MACROD2: variants seen among roughly 807,000 people sequenced by gnomAD.
The protein encoded by MACROD2 is ADP-ribose glycohydrolase MACROD2.
Under a neutral mutation model 70.4 loss-of-function variants are expected in MACROD2, and 36 were observed. That is an observed-to-expected ratio of 0.51 (90% CI 0.39 to 0.68). The LOEUF (loss-of-function observed/expected upper bound fraction) is 0.68, where lower values mean the gene tolerates loss of function less well. Ranked by LOEUF, MACROD2 falls within the 30% of genes least tolerant of loss-of-function variation. The pLI, the probability that MACROD2 is intolerant of heterozygous loss-of-function variation, is 0.00. For missense variants in MACROD2, 496 were observed against 538.4 expected, an observed-to-expected ratio of 0.92 and a Z score of 0.78; for synonymous variants, 172 against 178.8, an observed-to-expected ratio of 0.96 and a Z score of 0.30.
intron 4 of MACROD2, among the ~76,000 whole-genome samples, chr20:14,534,470 A>G (rs2085341230): frequency 6.6e-6 from 1 of 152,236 alleles, no homozygotes; most frequent in Non-Finnish European, 1.5e-5. Context: ...TTAAATATAG[A>G]AAAGAAATTT....
At chr20:15,255,088 T>A (rs1420949475) in intron 6 of MACROD2, among the ~76,000 whole-genome samples, 3 of 152,026 alleles carry the variant, frequency 2.0e-5, no homozygotes, top group Admixed American at 2.0e-4. Flanking sequence ...TTAAAAATGT[T>A]GTTTAATTTA....
chr20:14,527,131 C>T (rs2085243075), intron 4 of MACROD2, among the ~76,000 whole-genome samples: 1 of 152,194 alleles, frequency 6.6e-6, no homozygotes, highest in African/African-American at 2.4e-5. Flanking sequence ...AACTCCATGT[C>T]GTTCTGCTGG....
At chr20:14,171,615 C>T (rs1048944157) in intron 3 of MACROD2, among the ~76,000 whole-genome samples, 1 of 152,184 alleles carries the variant, frequency 6.6e-6, no homozygotes, top group Non-Finnish European at 1.5e-5. Flanking sequence ...CATTCAGGAG[C>T]AGGTTATTTA....
chr20:15,062,508 G>C (rs1218509566), intron 5 of MACROD2, among the ~76,000 whole-genome samples: 1 of 151,838 alleles, frequency 6.6e-6, no homozygotes, highest in Non-Finnish European at 1.5e-5. Flanking sequence ...TTGTGAAAAT[G>C]AAGTACTTAT....
chr20:15,355,591 C>T (rs750091619), intron 6 of MACROD2, among the ~76,000 whole-genome samples: 1 of 152,212 alleles, frequency 6.6e-6, no homozygotes, highest in Non-Finnish European at 1.5e-5. Context: ...AACTCAATCT[C>T]TAGTCCTTGC....
intron 2 of MACROD2, among the ~76,000 whole-genome samples, chr20:14,049,383 A>C (rs1027502717): frequency 2.0e-5 from 3 of 151,922 alleles, no homozygotes; most frequent in Non-Finnish European, 4.4e-5. Context: ...TATTTGTGTT[A>C]CCAGTTTGAA....
chr20:14,146,273 G>C (rs1712253251), intron 3 of MACROD2, among the ~76,000 whole-genome samples: 1 of 152,038 alleles, frequency 6.6e-6, no homozygotes, highest in Non-Finnish European at 1.5e-5. Flanking sequence ...GAGCCGAGGT[G>C]GCGCCACTGC....
rs558720156 is a variant in MACROD2, at chr20:14,306,582, A to G, written c.272-186897A>G. Among the ~76,000 whole-genome samples the G allele has an allele frequency of 4.1e-4, 63 of 152,256 alleles. 1 individual carries two copies. The highest frequency in any genetic ancestry group is 3.9e-4 in the East Asian group (2 of 5,178). ...ACCTCACAGTAACACAAATTTTAAC[A>G]TAAGGCAATTGGCAATTGATATTTA... On this transcript the variant is annotated intron_variant, in intron 3 of 17. Coordinates refer to ENST00000684519, the MANE Select transcript of MACROD2 (RefSeq NM_001351661.2).
intron 3 of MACROD2, among the ~76,000 whole-genome samples, chr20:14,345,065 A>C (rs1311033306): frequency 6.6e-6 from 1 of 152,176 alleles, no homozygotes; most frequent in African/African-American, 2.4e-5. Flanking sequence ...GACTAGCAAA[A>C]TATAAATGTT....
intron 8 of MACROD2, among the ~76,000 whole-genome samples, chr20:15,853,260 C>G (rs921784401): frequency 9.9e-5 from 15 of 152,108 alleles, no homozygotes; most frequent in African/African-American, 3.6e-4. Flanking sequence ...TACTCTATGT[C>G]AGGCCCTTTG....
intron 6 of MACROD2, among the ~76,000 whole-genome samples, chr20:15,425,526 C>T (rs2046286090): frequency 1.3e-5 from 2 of 152,068 alleles, no homozygotes; most frequent in Admixed American, 1.3e-4. Context: ...GTTTTGCTTG[C>T]AAATAATGGG....
intron 6 of MACROD2, among the ~76,000 whole-genome samples, chr20:15,276,173 G>A (rs187657284): frequency 5.3e-5 from 8 of 152,196 alleles, no homozygotes; most frequent in African/African-American, 1.7e-4. Context: ...GGCCGAGGCG[G>A]GCGGATCACA....
rs2046687948 is a variant in MACROD2, at chr20:15,454,397, A to G, written c.571+22962A>G. ...ACAAATGCTATATCCCTCTCATTTG[A>G]CATATTCAAACACACACACACACAC... On this transcript the variant is annotated intron_variant, in intron 7 of 17. Transcript: ENST00000684519. 2.1e-5 allele frequency among the ~76,000 whole-genome samples: 3 copies of G among 143,348 alleles called. No homozygotes were observed. In the South Asian group the frequency reaches 6.7e-4, roughly 32 times the overall value. The allele number at this position is 143,348 out of a possible 152,430, so 94.0% of individuals were successfully genotyped here.
chr20:14,521,154 C>T (rs1172597786), intron 4 of MACROD2, among the ~76,000 whole-genome samples: 1 of 152,180 alleles, frequency 6.6e-6, no homozygotes, highest in East Asian at 1.9e-4. Flanking sequence ...GTCATCTCTT[C>T]CATATGCTTT....
At chr20:14,685,143 A>T (rs535073856) in intron 5 of MACROD2, 184 bp downstream of exon 5, 10 of 376,250 alleles carry the variant, frequency 2.7e-5, no homozygotes, top group Admixed American at 1.2e-4. Context: ...CATATATATA[A>T]AATATACATA....
At chr20:14,718,020 T>C (rs2071416496) in intron 5 of MACROD2, among the ~76,000 whole-genome samples, 1 of 151,926 alleles carries the variant, frequency 6.6e-6, no homozygotes, top group Non-Finnish European at 1.5e-5. Flanking sequence ...ACAGAGATGG[T>C]GCGGTGGCTC....
intron 4 of MACROD2, among the ~76,000 whole-genome samples, chr20:14,536,223 T>C (rs1210284801): frequency 1.3e-5 from 2 of 152,178 alleles, no homozygotes; most frequent in Non-Finnish European, 2.9e-5. Context: ...TAATATAAAA[T>C]AATTATCTGT....
At chr20:15,881,530 A>G (rs1325107383) in intron 9 of MACROD2, among the ~76,000 whole-genome samples, 1 of 152,144 alleles carries the variant, frequency 6.6e-6, no homozygotes, top group African/African-American at 2.4e-5. Flanking sequence ...TCTGAAAAAC[A>G]TCTCAGAAGT....
intron 3 of MACROD2, among the ~76,000 whole-genome samples, chr20:14,382,305 CCGCCTTGGCCT>C (rs555473300): frequency 0.044 from 6,690 of 151,786 alleles, 171 homozygotes; most frequent in Non-Finnish European, 0.047. Flanking sequence ...TGTGATCCGC[CCGCCTTGGCCT>C]CTCAAAGTGC....
Sources: gnomAD v4.1 joint callset for allele counts (sites outside exome capture counted in the v4.1 genomes callset) on GRCh38, gnomAD v4.1.1 for gene constraint, MANE v1.5 for transcripts, NCBI Gene and HGNC (gene_info 2026-07-23, HGNC 2026-07-21) for gene names.